The following RRP1B variants were observed in gnomAD, a reference collection of about 807,000 sequenced individuals.
The protein encoded by RRP1B is ribosomal RNA processing 1B.
A neutral mutation model predicts 80.2 loss-of-function variants in RRP1B; 56 were observed. The observed-to-expected ratio is 0.70, with a 90% CI of 0.56 to 0.87. The LOEUF (loss-of-function observed/expected upper bound fraction) is 0.87. Ranked by LOEUF, RRP1B falls within the 40% of genes least tolerant of loss-of-function variation. The pLI, the probability that RRP1B is intolerant of heterozygous loss-of-function variation, is 0.00. For missense variants in RRP1B, 807 were observed against 939.8 expected, an observed-to-expected ratio of 0.86 and a Z score of 1.85; for synonymous variants, 351 against 357.6, an observed-to-expected ratio of 0.98 and a Z score of 0.21.
intron 15 of RRP1B, among the ~76,000 whole-genome samples, chr21:43,692,659 CAAGT>C (rs538968500): frequency 6.6e-6 from 1 of 151,312 alleles, no homozygotes; most frequent in Non-Finnish European, 1.5e-5. Flanking sequence ...TTGGGAACTG[CAAGT>C]AATAGAGAGT....
At chr21:43,690,690 C>T (rs1387131424) in intron 14 of RRP1B, among the ~76,000 whole-genome samples, 1 of 152,198 alleles carries the variant, frequency 6.6e-6, no homozygotes, top group Non-Finnish European at 1.5e-5. Flanking sequence ...GGGCTTCCGG[C>T]TCAGGGTTTG....
chr21:43,660,534 C>T (rs2082948719), intron 1 of RRP1B, among the ~76,000 whole-genome samples: 1 of 152,058 alleles, frequency 6.6e-6, no homozygotes, highest in Non-Finnish European at 1.5e-5. Flanking sequence ...TGCACTCCGG[C>T]CTGGGCAACA....
At chr21:43,677,003 C>T (rs1337731216) in intron 8 of RRP1B, 89 bp downstream of exon 8, 4 of 1,297,368 alleles carry the variant, frequency 3.1e-6, no homozygotes, top group Non-Finnish European at 4.3e-6. Context: ...TGGCATCTTA[C>T]TGAATGCAAC....
chr21:43,687,140 C>T (rs979479586), intron 12 of RRP1B, among the ~76,000 whole-genome samples: 2 of 152,204 alleles, frequency 1.3e-5, no homozygotes, highest in Non-Finnish European at 2.9e-5. Flanking sequence ...ACCCCGCTCA[C>T]GTCCGCCTGC....
At chr21:43,675,818 T>A (rs2083019361) in intron 6 of RRP1B, among the ~76,000 whole-genome samples, 1 of 151,966 alleles carries the variant, frequency 6.6e-6, no homozygotes, top group Admixed American at 6.6e-5. Flanking sequence ...TTTATAAACT[T>A]TCTTAAAATA....
chr21:43,688,179 T>C lies in RRP1B; in HGVS notation c.1805T>C (p.Met602Thr), dbSNP rs371930414. ...SLKKRKKMRV[M>T]SNLVEHNGVL... The stretch of plus-strand genomic sequence containing the variant: ...AAAAAGAGGAAGAAAATGAGAGTGA[T>C]GTCAAACTTGGTGGAGCACAACGGG... Residue 602 changes from methionine (M) to threonine (T), a missense_variant, in exon 13 of 16, where the codon ATG becomes ACG. Physicochemically the swap from Met to Thr is moderately conservative, Grantham distance 81 (BLOSUM62 -1). Coordinates refer to ENST00000340648, the MANE Select transcript of RRP1B (RefSeq NM_015056.3). The C allele has an allele frequency of 1.1e-5, 17 of 1,575,502 alleles. 1 individual carries two copies. In the African/African-American group the frequency reaches 1.9e-4, roughly 17 times the overall value.
intron 11 of RRP1B, 76 bp downstream of exon 11, chr21:43,685,865 G>A (rs926033803): frequency 1.9e-5 from 29 of 1,517,226 alleles, no homozygotes; most frequent in Admixed American, 6.4e-5. Flanking sequence ...GATGCCAAAC[G>A]CTGAGAAACA....
chr21:43,671,228 C>T (rs529532120), intron 2 of RRP1B, among the ~76,000 whole-genome samples: 2 of 152,352 alleles, frequency 1.3e-5, no homozygotes, highest in African/African-American at 4.8e-5. Context: ...TTTACCTTCA[C>T]ATTCCACCTT....
At chr21:43,661,379 C>G (rs2147157662) in intron 1 of RRP1B, among the ~76,000 whole-genome samples, 1 of 152,300 alleles carries the variant, frequency 6.6e-6, no homozygotes, top group South Asian at 2.1e-4. Context: ...TGCTGCTGCT[C>G]CACTGCCACC....
chr21:43,666,521 A>G (rs528953762), intron 1 of RRP1B, among the ~76,000 whole-genome samples: 1 of 152,300 alleles, frequency 6.6e-6, no homozygotes, highest in African/African-American at 2.4e-5. Context: ...GACTGAGACC[A>G]TCCTGGCCAA....
At chr21:43,688,497 G>C (rs1568960500) in intron 13 of RRP1B, among the ~76,000 whole-genome samples, 1 of 152,186 alleles carries the variant, frequency 6.6e-6, no homozygotes, top group African/African-American at 2.4e-5. Context: ...CTCCAAGCTG[G>C]GAAAGTTATC....
At chr21:43,685,332 C>T (rs531539239) in intron 10 of RRP1B, among the ~76,000 whole-genome samples, 3 of 152,348 alleles carry the variant, frequency 2.0e-5, no homozygotes, top group African/African-American at 7.2e-5. Context: ...TGCACCTCCC[C>T]ACACTGCGCT....
intron 1 of RRP1B, among the ~76,000 whole-genome samples, chr21:43,668,914 G>C (rs1411368114): frequency 6.6e-6 from 1 of 152,140 alleles, no homozygotes; most frequent in Non-Finnish European, 1.5e-5. Context: ...ATCATTTTGT[G>C]ATTCTTTATG....
chr21:43,673,275 G>A (rs2083007121), intron 3 of RRP1B, among the ~76,000 whole-genome samples: 1 of 152,192 alleles, frequency 6.6e-6, no homozygotes, highest in Admixed American at 6.6e-5. Context: ...AAATGCTCCA[G>A]AGAGCGCTCA....
rs762935480 is a variant in RRP1B, at chr21:43,685,754, AT to A, written c.990-9del. The A allele has an allele frequency of 8.1e-6, 12 of 1,488,318 alleles. No homozygotes were observed. Among genetic ancestry groups the A allele is most frequent in the Middle Eastern group, 1.9e-4 (1 of 5,246 alleles). The allele number at this position is 1,488,318 out of a possible 1,614,324, so 92.2% of individuals were successfully genotyped here. A position where few individuals can be genotyped will look rare whatever the true frequency, so the allele number is the denominator to read the frequency against. On this transcript the variant is annotated splice_polypyrimidine_tract_variant and intron_variant, in intron 10 of 15. Coordinates refer to ENST00000340648, the MANE Select transcript of RRP1B (RefSeq NM_015056.3). Reference sequence around the variant, plus strand: ...GTTATTTTTTTATTTTTTATTTTTTATTTTTTTATTTTTAGATTCCAAGACC... The same window carrying A: ...GTTATTTTTTTATTTTTTATTTTTTATTTTTTATTTTTAGATTCCAAGACC...
intron 3 of RRP1B, among the ~76,000 whole-genome samples, chr21:43,673,462 C>T (rs950553291): frequency 1.1e-4 from 16 of 151,964 alleles, no homozygotes; most frequent in Non-Finnish European, 1.5e-4. Flanking sequence ...GGTTAAACCC[C>T]GTCTTTACTA....
chr21:43,678,547 C>T (rs186295520), intron 8 of RRP1B, among the ~76,000 whole-genome samples: 1 of 152,244 alleles, frequency 6.6e-6, no homozygotes, highest in Admixed American at 6.5e-5. Flanking sequence ...ATTTGCATTT[C>T]CGTGTGTTTG....
chr21:43,671,607 A>T (rs2082999632), intron 2 of RRP1B, among the ~76,000 whole-genome samples: 1 of 151,800 alleles, frequency 6.6e-6, no homozygotes, highest in South Asian at 2.1e-4. Flanking sequence ...GACTCGAGCG[A>T]TCCACCCGCC....
At chr21:43,669,717 AATTT>A (rs58207280) in intron 1 of RRP1B, among the ~76,000 whole-genome samples, 163 bp from the exon 2 acceptor site, 2,241 of 152,306 alleles carry the variant, frequency 0.015, 57 homozygotes, top group African/African-American at 0.05. Context: ...GTACAGTAGT[AATTT>A]ATTTGTGTTT....
Sources: allele counts gnomAD v4.1 joint callset (sites outside exome capture counted in the v4.1 genomes callset), GRCh38; gene constraint gnomAD v4.1.1; transcripts MANE v1.5; gene names NCBI Gene and HGNC (gene_info 2026-07-23, HGNC 2026-07-21).